Variants in RXRA observed in about 807,000 individuals in gnomAD.
RXRA encodes retinoid X receptor alpha, also known as retinoic acid receptor RXR-alpha.
In RXRA, 5 loss-of-function variants were observed where a neutral mutation model predicts 44.5. The observed-to-expected ratio is 0.11, with a 90% confidence interval of 0.06 to 0.24. RXRA has a LOEUF of 0.24. RXRA is among the 10% of genes least tolerant of loss of function. RXRA has a pLI of 1.00. For missense variants in RXRA, 412 were observed against 646.5 expected, an observed-to-expected ratio of 0.64 and a Z score of 3.93; for synonymous variants, 291 against 271.4, an observed-to-expected ratio of 1.07 and a Z score of -0.71.
chr9:134,341,285 C>T (rs1218306711), intron 1 of RXRA, among the ~76,000 whole-genome samples: 2 of 152,200 alleles, frequency 1.3e-5, no homozygotes, highest in African/African-American at 2.4e-5. Flanking sequence ...CAGTTAACAG[C>T]AGAGTCGGGA....
chr9:134,391,682 G>A (rs1663659190), intron 1 of RXRA, among the ~76,000 whole-genome samples: 2 of 152,196 alleles, frequency 1.3e-5, no homozygotes, highest in Non-Finnish European at 2.9e-5. Flanking sequence ...CCAAGTCCCC[G>A]AGCTGGTACC....
At chr9:134,339,104 A>AC (rs1297264936) in intron 1 of RXRA, among the ~76,000 whole-genome samples, 5 of 133,384 alleles carry the variant, frequency 3.7e-5, no homozygotes, top group Non-Finnish European at 8.2e-5. Context: ...GCTGGTGGTC[A>AC]CCCCCCCTGG....
intron 2 of RXRA, chr9:134,405,772 C>T (rs1032524502): frequency 2.6e-5 from 4 of 152,704 alleles, no homozygotes; most frequent in African/African-American, 9.6e-5. Context: ...GCCTCGGTGC[C>T]TCCCCAGTGC....
intron 2 of RXRA, among the ~76,000 whole-genome samples, chr9:134,406,722 C>T (rs558004720): frequency 1.3e-5 from 2 of 152,336 alleles, no homozygotes; most frequent in Middle Eastern, 3.4e-3. Flanking sequence ...CCTTCTGCAG[C>T]GTGGGGGATC....
chr9:134,368,924 TGA>T (rs1186161202), intron 1 of RXRA, among the ~76,000 whole-genome samples: 1 of 120,956 alleles, frequency 8.3e-6, no homozygotes. Context: ...TGTGTGTGTG[TGA>T]GTGCGGGGGT....
At chr9:134,379,567 G>T (rs1830610463) in intron 1 of RXRA, 2 of 985,406 alleles carry the variant, frequency 2.0e-6, no homozygotes, top group African/African-American at 1.7e-5. Flanking sequence ...CTCATGGGGG[G>T]CTTGCTCCAG....
chr9:134,328,391 T>A (rs1342759973), intron 1 of RXRA, among the ~76,000 whole-genome samples: 1 of 152,050 alleles, frequency 6.6e-6, no homozygotes, highest in East Asian at 1.9e-4. Flanking sequence ...GTCGCCATGG[T>A]GGCTTGCTGG....
At chr9:134,371,653 C>T (rs1830492286) in intron 1 of RXRA, among the ~76,000 whole-genome samples, 1 of 152,250 alleles carries the variant, frequency 6.6e-6, no homozygotes, top group South Asian at 2.1e-4. Flanking sequence ...GCCTCTGGTT[C>T]ACTGGGCCTG....
Position 134,408,202 on chromosome 9 carries a change from G to T in RXRA, c.333G>T (p.Leu111=), listed in dbSNP as rs1237813068. The change falls in exon 3 of 10, where the codon CTG becomes CTT. Residue 111 remains leucine (L), a synonymous_variant. Transcript: ENST00000481739. ...GCAGCGAGGACATCAAGCCCCCCCT[G>T]GGCCTCAATGGCGTCCTCAAGGTCC... The part of the protein sequence containing the change: ...VSSSEDIKPP[L]GLNGVLKVPA... 5.0e-6 allele frequency: 8 copies of T among 1,608,552 alleles called. No individual in the cohort carries two copies.
At chr9:134,395,598 C>T (rs1830865816) in intron 1 of RXRA, among the ~76,000 whole-genome samples, 1 of 152,216 alleles carries the variant, frequency 6.6e-6, no homozygotes, top group South Asian at 2.1e-4. Context: ...GGTTCTGGGG[C>T]ACCCCTGGCT....
At chr9:134,333,236 C>T (rs1029980415) in intron 1 of RXRA, among the ~76,000 whole-genome samples, 4 of 152,176 alleles carry the variant, frequency 2.6e-5, no homozygotes, top group East Asian at 1.9e-4. Context: ...TCCTGCACAG[C>T]CCACATCTGT....
intron 1 of RXRA, among the ~76,000 whole-genome samples, chr9:134,331,374 C>G (rs929383629): frequency 5.3e-5 from 8 of 152,204 alleles, no homozygotes; most frequent in Non-Finnish European, 8.8e-5. Context: ...TTGGCCCGGC[C>G]GCTGTGGGGA....
At chr9:134,401,436 G>T in intron 1 of RXRA, 196 bp from the exon 2 acceptor site, 1 of 813,204 alleles carries the variant, frequency 1.2e-6, no homozygotes, top group Non-Finnish European at 2.0e-6. Flanking sequence ...ACAGTACCTT[G>T]GAGGGGAGCT....
intron 1 of RXRA, among the ~76,000 whole-genome samples, chr9:134,382,762 G>A (rs754880264): frequency 2.6e-5 from 4 of 152,186 alleles, no homozygotes; most frequent in Non-Finnish European, 5.9e-5. Context: ...TGGCGTTGCC[G>A]TCTCTGAGCT....
intron 1 of RXRA, among the ~76,000 whole-genome samples, chr9:134,359,721 G>C (rs1195015789): frequency 6.6e-6 from 1 of 150,544 alleles, no homozygotes; most frequent in Admixed American, 6.6e-5. Flanking sequence ...CTGGAGCCAC[G>C]TGTGGCCCTG....
rs775626925 is a variant in RXRA, at chr9:134,426,769, G to A, written c.911-2339G>A. The A allele has an allele frequency of 4.1e-6, 4 of 985,410 alleles. No homozygotes were observed. The highest frequency in any genetic ancestry group is 4.8e-6 in the Non-Finnish European group (4 of 829,924). 61.0% of individuals were successfully genotyped at this position (985,410 alleles called of 1,614,324 possible). Reference sequence around the variant, plus strand: ...TGCAGGATGTGAGGGAGAGAGGCAGGCCCGAGAGGCCAGGACTGGCCAGGG... The same window carrying A: ...TGCAGGATGTGAGGGAGAGAGGCAGACCCGAGAGGCCAGGACTGGCCAGGG... On this transcript the variant is annotated intron_variant, in intron 6 of 9. Transcript: ENST00000481739. This position sits in a 1 kb window ranked among gnomAD's most constrained non-coding sequence, Gnocchi z 4.6.
intron 4 of RXRA, among the ~76,000 whole-genome samples, chr9:134,415,048 T>C (rs1172598787): frequency 5.3e-5 from 8 of 152,180 alleles, no homozygotes; most frequent in Non-Finnish European, 8.8e-5. Context: ...CACCATCAGG[T>C]TTCCAGTAGG....
intron 1 of RXRA, among the ~76,000 whole-genome samples, chr9:134,367,752 G>A (rs1279679663): frequency 6.6e-6 from 1 of 152,192 alleles, no homozygotes; most frequent in Non-Finnish European, 1.5e-5. Context: ...CCCCTCGGGT[G>A]GGGGGTGCCG....
At chr9:134,389,642 G>C (rs1308009089) in intron 1 of RXRA, among the ~76,000 whole-genome samples, 1 of 152,156 alleles carries the variant, frequency 6.6e-6, no homozygotes, top group African/African-American at 2.4e-5. Flanking sequence ...TGGTGGAGAG[G>C]GTGTGCTGAG....
Sources: allele counts gnomAD v4.1 joint callset (sites outside exome capture counted in the v4.1 genomes callset), GRCh38; gene constraint gnomAD v4.1.1; non-coding constraint Gnocchi (gnomAD v3.1); transcripts MANE v1.5; gene names NCBI Gene and HGNC (gene_info 2026-07-23, HGNC 2026-07-21).